PTPRQ: variants seen among roughly 807,000 people sequenced by gnomAD.
PTPRQ encodes phosphatidylinositol phosphatase PTPRQ.
Under a neutral mutation model 246.0 loss-of-function variants are expected in PTPRQ, and 199 were observed. The observed-to-expected ratio is 0.81, with a 90% CI of 0.72 to 0.91. The LOEUF (loss-of-function observed/expected upper bound fraction) is 0.91, where lower values mean the gene tolerates loss of function less well. Ranked by LOEUF, PTPRQ falls within the 40% of genes least tolerant of loss-of-function variation. The pLI, the probability that PTPRQ is intolerant of heterozygous loss-of-function variation, is 0.00. For missense variants in PTPRQ, 2,624 were observed against 2,528.4 expected (o/e 1.04, Z -0.81); for synonymous variants, 869 against 853.2 (o/e 1.02, Z -0.32).
At chr12:80,482,817 C>G (rs1399027399) in intron 8 of PTPRQ, among the ~76,000 whole-genome samples, 4 of 146,120 alleles carry the variant, frequency 2.7e-5, no homozygotes, top group Non-Finnish European at 5.9e-5. Context: ...AAATCAAAAC[C>G]ACAATGAGAT....
At chr12:80,614,665 T>C (rs561441373) in intron 29 of PTPRQ, among the ~76,000 whole-genome samples, 1 of 150,834 alleles carries the variant, frequency 6.6e-6, no homozygotes, top group African/African-American at 2.4e-5. Context: ...TGGACCACCA[T>C]TGTGAAAGAT....
At chr12:80,502,382 A>G (rs1250624045) in intron 14 of PTPRQ, among the ~76,000 whole-genome samples, 1 of 151,976 alleles carries the variant, frequency 6.6e-6, no homozygotes, top group East Asian at 1.9e-4. Context: ...TGAATTAACT[A>G]AAACAAAAAC....
In PTPRQ at chr12:80,468,844, C is replaced by T; in HGVS notation, c.1039+6C>T. 6.5e-7 allele frequency: 1 copy of T among 1,544,530 alleles called. No homozygotes were observed. Among genetic ancestry groups the T allele is most frequent in the Non-Finnish European group, 8.7e-7 (1 of 1,144,414 alleles). On this transcript the variant is annotated splice_donor_region_variant and intron_variant, in intron 7 of 44. Transcript: ENST00000644991. ...TGAATTATATGGACCATCAGGTAAG[C>T]CTTAATTGGTTTTGTGTTTGCCTTT...
At chr12:80,628,105 G>A (rs139610251) in intron 33 of PTPRQ, among the ~76,000 whole-genome samples, 1 of 152,064 alleles carries the variant, frequency 6.6e-6, no homozygotes, top group African/African-American at 2.4e-5. Flanking sequence ...CTAATAAAGA[G>A]GATTCTTTAT....
intron 8 of PTPRQ, among the ~76,000 whole-genome samples, chr12:80,481,267 CA>C (rs2120591538): frequency 6.6e-6 from 1 of 152,200 alleles, no homozygotes; most frequent in African/African-American, 2.4e-5. Flanking sequence ...GAACCAAAGA[CA>C]AAAATCACAT....
At chr12:80,453,099 A>G (rs908104840) in intron 3 of PTPRQ, among the ~76,000 whole-genome samples, 44 of 151,644 alleles carry the variant, frequency 2.9e-4, no homozygotes, top group African/African-American at 9.2e-4. Flanking sequence ...TTCCCTTCTC[A>G]CTTCATTTCA....
At chr12:80,622,197 A>T (rs1424858217) in intron 33 of PTPRQ, 63 bp downstream of exon 33, 1 of 1,178,438 alleles carries the variant, frequency 8.5e-7, no homozygotes, top group African/African-American at 1.6e-5. Flanking sequence ...AACATTTATT[A>T]GTAAATGTAT....
intron 9 of PTPRQ, among the ~76,000 whole-genome samples, chr12:80,486,054 C>T (rs1365514612): frequency 1.3e-5 from 2 of 152,130 alleles, no homozygotes; most frequent in Non-Finnish European, 2.9e-5. Flanking sequence ...TCTGCCATTA[C>T]TAACTGTTTA....
intron 33 of PTPRQ, among the ~76,000 whole-genome samples, chr12:80,626,879 A>T (rs1362770083): frequency 1.3e-5 from 2 of 152,094 alleles, no homozygotes; most frequent in Non-Finnish European, 2.9e-5. Context: ...GTTCACAGAT[A>T]AGCATGTGTT....
intron 17 of PTPRQ, among the ~76,000 whole-genome samples, chr12:80,532,761 G>C (rs979945792): frequency 1.1e-4 from 17 of 152,164 alleles, no homozygotes; most frequent in African/African-American, 4.1e-4. Flanking sequence ...TCAAATTGCT[G>C]AATAGCCTGG....
chr12:80,608,320 G>A (rs1898407853), intron 27 of PTPRQ, among the ~76,000 whole-genome samples: 1 of 150,616 alleles, frequency 6.6e-6, no homozygotes, highest in South Asian at 2.1e-4. Flanking sequence ...AGAAAGATGT[G>A]ATTTCAGTCC....
intron 33 of PTPRQ, among the ~76,000 whole-genome samples, chr12:80,630,207 T>C (rs538311193): frequency 6.6e-6 from 1 of 152,182 alleles, no homozygotes; most frequent in Non-Finnish European, 1.5e-5. Context: ...CTGTTTCTTC[T>C]ATTATTTTTT....
intron 17 of PTPRQ, among the ~76,000 whole-genome samples, chr12:80,523,226 T>G (rs1451912742): frequency 1.3e-5 from 2 of 152,320 alleles, no homozygotes; most frequent in South Asian, 4.1e-4. Flanking sequence ...TTAGCATTTT[T>G]TATTGCGTCT....
intron 1 of PTPRQ, 127 bp downstream of exon 1, chr12:80,444,526 C>T (rs559382274): frequency 2.8e-5 from 20 of 711,672 alleles, no homozygotes; most frequent in Admixed American, 2.8e-4. Context: ...GCTGTGATAA[C>T]GCAGTACGTT....
At position 80,484,693 on chromosome 12, in the gene PTPRQ, T is replaced by C; in HGVS notation, c.1359+88T>C. On this transcript the variant is annotated intron_variant, in intron 9 of 44. Coordinates refer to ENST00000644991, the MANE Select transcript of PTPRQ (RefSeq NM_001145026.2). ...TGGAAGATTTGCTAGCACCCACACA[T>C]GTAATATTTGACCACTTACTAGTAC... 2.0e-6 allele frequency: 3 copies of C among 1,467,504 alleles called. No individual in the cohort carries two copies. In the African/African-American group the frequency reaches 4.3e-5, roughly 21 times the overall value. 90.9% of individuals were successfully genotyped at this position (1,467,504 alleles called of 1,614,324 possible). A position where few individuals can be genotyped will look rare whatever the true frequency, so the allele number is the denominator to read the frequency against.
chr12:80,489,647 G>A (rs1405743885), intron 9 of PTPRQ, among the ~76,000 whole-genome samples: 1 of 151,844 alleles, frequency 6.6e-6, no homozygotes, highest in Non-Finnish European at 1.5e-5. Flanking sequence ...TATTCTGTAT[G>A]GAGTTTGAAT....
At chr12:80,535,612 G>A (rs1373824818) in intron 19 of PTPRQ, among the ~76,000 whole-genome samples, 1 of 152,156 alleles carries the variant, frequency 6.6e-6, no homozygotes, top group Non-Finnish European at 1.5e-5. Context: ...GGCTTGCACA[G>A]TTTGTAGATG....
chr12:80,669,244 T>C, intron 40 of PTPRQ, 95 bp from the exon 41 acceptor site: 1 of 1,528,554 alleles, frequency 6.5e-7, no homozygotes. Flanking sequence ...CCTGGACATC[T>C]ATAAAGTAAT....
intron 25 of PTPRQ, among the ~76,000 whole-genome samples, chr12:80,577,716 A>G (rs755702921): frequency 1.3e-5 from 2 of 152,128 alleles, no homozygotes; most frequent in African/African-American, 4.8e-5. Context: ...TGGGGCCCCA[A>G]TTGTCCAACT....
Sources: gnomAD v4.1 joint callset for allele counts (sites outside exome capture counted in the v4.1 genomes callset) on GRCh38, gnomAD v4.1.1 for gene constraint, MANE v1.5 for transcripts, NCBI Gene and HGNC (gene_info 2026-07-23, HGNC 2026-07-21) for gene names.